TMPRSS15: variants seen among roughly 807,000 people sequenced by gnomAD.
The protein encoded by TMPRSS15 is enteropeptidase.
Under a neutral mutation model 125.3 loss-of-function variants are expected in TMPRSS15, and 128 were observed. The ratio of observed to expected loss-of-function variants is 1.02; its 90% CI spans 0.89 to 1.18. TMPRSS15 has a LOEUF of 1.18. Among genes scored for constraint, TMPRSS15 ranks in the 50% most tolerant of loss-of-function variants. TMPRSS15 has a pLI of 0.00. For missense variants in TMPRSS15, 1,283 were observed against 1,212.7 expected, an observed-to-expected ratio of 1.06 and a Z score of -0.86; for synonymous variants, 446 against 423.2, an observed-to-expected ratio of 1.05 and a Z score of -0.66.
At chr21:18,346,504 G>C (rs1277285980) in intron 10 of TMPRSS15, among the ~76,000 whole-genome samples, 1 of 152,128 alleles carries the variant, frequency 6.6e-6, no homozygotes, top group African/African-American at 2.4e-5. Context: ...TCTCTCCTAA[G>C]TCTTCTCAAG....
At chr21:18,409,851 TCCTTCCTTCCCTCCCTCCCTC>T (rs1230359701) in intron 1 of TMPRSS15, among the ~76,000 whole-genome samples, 7 of 78,498 alleles carry the variant, frequency 8.9e-5, no homozygotes, top group Non-Finnish European at 1.6e-4. Flanking sequence ...CTTTCCCCCT[TCCTTCCTTCCCTCCCTCCCTC>T]CCTTCCCTCC....
chr21:18,416,126 G>A (rs2076179559), intron 1 of TMPRSS15, among the ~76,000 whole-genome samples: 1 of 151,860 alleles, frequency 6.6e-6, no homozygotes, highest in Non-Finnish European at 1.5e-5. Context: ...GCAAAACATT[G>A]ATGACGGAAA....
chr21:18,464,046 G>A (rs2122954322), intron 1 of TMPRSS15, among the ~76,000 whole-genome samples: 10 of 151,622 alleles, frequency 6.6e-5, no homozygotes, highest in East Asian at 1.9e-4. Flanking sequence ...TGTGGTGGGC[G>A]CCTGTAGTCC....
At chr21:18,354,739 T>C (rs1388043440) in intron 8 of TMPRSS15, among the ~76,000 whole-genome samples, 2 of 151,708 alleles carry the variant, frequency 1.3e-5, no homozygotes, top group African/African-American at 4.8e-5. Flanking sequence ...AAATGGTCTC[T>C]TAGTGGAGGT....
At chr21:18,448,403 T>C (rs1161061780) in intron 1 of TMPRSS15, among the ~76,000 whole-genome samples, 2 of 152,132 alleles carry the variant, frequency 1.3e-5, no homozygotes, top group African/African-American at 2.4e-5. Flanking sequence ...TTTGGGAACA[T>C]GGGCTAACTA....
chr21:18,309,701 G>A (rs909323885), intron 18 of TMPRSS15, among the ~76,000 whole-genome samples: 25 of 152,120 alleles, frequency 1.6e-4, no homozygotes, highest in African/African-American at 5.3e-4. Flanking sequence ...CTGGTCATTG[G>A]AGAAATGCAA....
chr21:18,463,863 G>T (rs976038603), intron 1 of TMPRSS15, among the ~76,000 whole-genome samples: 1 of 151,970 alleles, frequency 6.6e-6, no homozygotes, highest in Non-Finnish European at 1.5e-5. Context: ...CATAAATAAC[G>T]AAAATAAGGC....
In TMPRSS15 at chr21:18,315,151, T is replaced by C. The variant is rs1393489573; in HGVS notation, c.2027A>G (p.Asp676Gly). 1 of 1,612,150 alleles carries C rather than the reference T, an allele frequency of 6.2e-7. No homozygotes were observed. Among genetic ancestry groups the C allele is most frequent in the South Asian group, 1.1e-5 (1 of 91,070 alleles). ...TTCCTAAAAATAAGACATACCACAA[T>C]CTGCTTCATCTGAGCCATCCTCACA... ...LHCEDGSDEA[D>G]CVRFFNGTTN... is the part of the protein sequence containing the mutation. Residue 676 changes from aspartate (D) to glycine (G), a missense_variant, in exon 17 of 25, where the codon GAT (aspartate) becomes GGT (glycine). Coordinates refer to ENST00000284885, the MANE Select transcript of TMPRSS15 (RefSeq NM_002772.3).
rs189781610 is a variant in TMPRSS15 at position 18,420,582 on chromosome 21, C to T, written c.11-22253G>A. 8.2e-4 allele frequency among the ~76,000 whole-genome samples: 125 copies of T among 152,266 alleles called. 1 individual carries two copies. Among genetic ancestry groups the T allele is most frequent in the Middle Eastern group, 3.4e-3 (1 of 294 alleles). ...TTAGTGATATTTGTCATTGTTAAAG[C>T]TGTCACACTAGGTCAATAGATGCAA... On this transcript the variant is annotated intron_variant, in intron 1 of 7. Transcript: ENST00000422787.
Position 18,481,768 on chromosome 21 carries a change from T to G in TMPRSS15, c.10+4031A>C, listed in dbSNP as rs1978986389. Among the ~76,000 whole-genome samples, 4 of 151,686 alleles carry G rather than the reference T, an allele frequency of 2.6e-5. No homozygotes were observed. The South Asian group carries it at 8.3e-4, about 31-fold the overall frequency. ...AAAATGATCTCTCCTAATCTTTGCA[T>G]AGCAATAATAGGTAGGTAATACATT... On this transcript the variant is annotated intron_variant, in intron 1 of 7. Coordinates refer to the TMPRSS15 transcript ENST00000422787.
chr21:18,286,993 A>G (rs1239303162), intron 21 of TMPRSS15, among the ~76,000 whole-genome samples: 1 of 152,124 alleles, frequency 6.6e-6, no homozygotes, highest in Non-Finnish European at 1.5e-5. Flanking sequence ...TCCATTTTCA[A>G]TTGGTCTGTG....
intron 18 of TMPRSS15, among the ~76,000 whole-genome samples, chr21:18,305,182 A>ATTTTTT (rs2075018505): frequency 2.5e-5 from 1 of 39,854 alleles, no homozygotes; most frequent in Non-Finnish European, 5.5e-5. Context: ...GAATTTCCGT[A>ATTTTTT]CTTTTTTTTT....
chr21:18,409,816 C>G (rs1237276398), intron 1 of TMPRSS15, among the ~76,000 whole-genome samples: 1 of 133,676 alleles, frequency 7.5e-6, no homozygotes, highest in Middle Eastern at 3.7e-3. Context: ...CAATCTCCCC[C>G]CCTTCCCCCC....
Position 18,478,452 on chromosome 21 carries a change from T to TC in TMPRSS15, c.10+7346dup, listed in dbSNP as rs565762830. Among the ~76,000 whole-genome samples, 637 of 152,124 alleles carry TC rather than the reference T, an allele frequency of 4.2e-3. 2 individuals are homozygous for TC. Among genetic ancestry groups the TC allele is most frequent in the Non-Finnish European group, 6.8e-3 (463 of 67,938 alleles). On this transcript the variant is annotated intron_variant, in intron 1 of 7. Transcript: ENST00000422787. ...AATACAGAAAGTTCTGTTGTACCCCTCTTCCAGTTTCACCCTTTATTACCA... is the reference window on the plus strand; with the variant it reads ...AATACAGAAAGTTCTGTTGTACCCCTCCTTCCAGTTTCACCCTTTATTACCA...
Position 18,383,622 on chromosome 21 carries a change from C to T in TMPRSS15, c.496+5G>A, listed in dbSNP as rs1601419514. ...TCAAAGAAATCAAATAATGTTCACA[C>T]ATACCTAGGATATCAACGCTGTTCA... On this transcript the variant is annotated splice_donor_5th_base_variant and intron_variant, in intron 4 of 24. Transcript: ENST00000284885. 3.1e-6 allele frequency: 5 copies of T among 1,613,330 alleles called. No individual in the cohort carries two copies. The East Asian group carries it at 1.1e-4, about 36-fold the overall frequency.
chr21:18,461,631 CA>C, intron 1 of TMPRSS15, among the ~76,000 whole-genome samples: 2 of 152,160 alleles, frequency 1.3e-5, no homozygotes, highest in Admixed American at 1.3e-4. Context: ...ATGTTATAAG[CA>C]AAATTTTATG....
intron 1 of TMPRSS15, among the ~76,000 whole-genome samples, chr21:18,476,071 T>C (rs1978874745): frequency 6.6e-6 from 1 of 152,174 alleles, no homozygotes; most frequent in Non-Finnish European, 1.5e-5. Context: ...AAGAAGTGTT[T>C]GACATAATAT....
At chr21:18,450,265 GTTTT>G (rs5842694) in intron 1 of TMPRSS15, among the ~76,000 whole-genome samples, 2 of 148,350 alleles carry the variant, frequency 1.3e-5, no homozygotes, top group African/African-American at 4.9e-5. Context: ...TGTTTTACAT[GTTTT>G]TTTTTTCTAG....
intron 1 of TMPRSS15, among the ~76,000 whole-genome samples, chr21:18,444,659 G>A (rs935580352): frequency 6.6e-6 from 1 of 152,076 alleles, no homozygotes; most frequent in Admixed American, 6.6e-5. Context: ...AGGATAGTGA[G>A]CATTCCCATC....
Sources: gnomAD v4.1 joint callset for allele counts (sites outside exome capture counted in the v4.1 genomes callset) on GRCh38, gnomAD v4.1.1 for gene constraint, MANE v1.5 for transcripts, NCBI Gene and HGNC (gene_info 2026-07-23, HGNC 2026-07-21) for gene names.